Variants in PIK3C2G observed in about 807,000 individuals in gnomAD.
The protein encoded by PIK3C2G is phosphatidylinositol 3-kinase C2 domain-containing subunit gamma.
In PIK3C2G, 168 loss-of-function variants were observed where a neutral mutation model predicts 181.1. The observed-to-expected ratio is 0.93, with a 90% confidence interval of 0.82 to 1.05. The LOEUF (loss-of-function observed/expected upper bound fraction) is 1.05, where lower values mean the gene tolerates loss of function less well. PIK3C2G is among the 50% of genes least tolerant of loss of function. The pLI is 0.00. For synonymous variants in PIK3C2G, 573 were observed against 592.2 expected (o/e 0.97, Z 0.47); for missense variants, 1,869 against 1,732.8 (o/e 1.08, Z -1.40).
intron 4 of PIK3C2G, among the ~76,000 whole-genome samples, chr12:18,293,493 A>G (rs1362508996): frequency 2.6e-5 from 4 of 152,134 alleles, no homozygotes; most frequent in Non-Finnish European, 5.9e-5. Flanking sequence ...AAGGAGCAAT[A>G]TGTCTCACTT....
chr12:18,664,574 T>C, the PIK3C2G span, among the ~76,000 whole-genome samples: 2 of 152,224 alleles, frequency 1.3e-5, 1 homozygote, highest in South Asian at 4.2e-4. Flanking sequence ...TTCAAAATCA[T>C]GGAGACAATG....
the PIK3C2G span, among the ~76,000 whole-genome samples, chr12:18,726,772 G>T: frequency 1.3e-5 from 2 of 152,226 alleles, no homozygotes; most frequent in South Asian, 4.1e-4. Context: ...AGAGTTGGTT[G>T]TATCTAAAAT....
intron 31 of PIK3C2G, among the ~76,000 whole-genome samples, chr12:18,614,220 T>G (rs1190817595): frequency 6.6e-6 from 1 of 152,084 alleles, no homozygotes; most frequent in Non-Finnish European, 1.5e-5. Flanking sequence ...CATTTTGACA[T>G]TGATCTACCA....
Position 18,346,826 on chromosome 12 carries a change from T to C in PIK3C2G, c.1615T>C (p.Trp539Arg). 6.2e-7 allele frequency: 1 copy of C among 1,610,012 alleles called. No homozygotes were observed. Among genetic ancestry groups the C allele is most frequent in the African/African-American group, 1.3e-5 (1 of 74,886 alleles). The change falls in exon 11 of 33, where the codon TGG (tryptophan) becomes CGG (arginine). Residue 539 changes from tryptophan (W) to arginine (R), a missense_variant. Trp to Arg is a moderately radical substitution (Grantham distance 101). Transcript: ENST00000538779. ...VYAAHNIPETWVHSYKAFSFT... is the reference protein window; with the variant it reads ...VYAAHNIPETRVHSYKAFSFT... ...TGCAGCACACAACATTCCAGAAACC[T>C]GGGTGCACAGGTGAGTGGTGGTGAG...
At chr12:18,456,604 T>C (rs953053693) in intron 18 of PIK3C2G, among the ~76,000 whole-genome samples, 21 of 152,250 alleles carry the variant, frequency 1.4e-4, no homozygotes, top group African/African-American at 5.1e-4. Context: ...TGGCCAGCAC[T>C]ATGTTACCTG....
At chr12:18,387,612 T>C (rs1168299101) in intron 14 of PIK3C2G, among the ~76,000 whole-genome samples, 1 of 152,018 alleles carries the variant, frequency 6.6e-6, no homozygotes, top group African/African-American at 2.4e-5. Context: ...TCTAGAAATC[T>C]CTCCCTTACC....
At chr12:18,333,676 A>G (rs1224544629) in intron 8 of PIK3C2G, among the ~76,000 whole-genome samples, 2 of 152,150 alleles carry the variant, frequency 1.3e-5, no homozygotes, top group Non-Finnish European at 2.9e-5. Flanking sequence ...TTAATCTTTA[A>G]GGAAAAAATA....
intron 6 of PIK3C2G, chr12:18,319,993 T>G (rs1951035147): frequency 6.6e-6 from 1 of 152,212 alleles, no homozygotes; most frequent in African/African-American, 2.4e-5. Flanking sequence ...ACCTTATTCT[T>G]TCCACCTAAC....
chr12:18,698,432 C>T, the PIK3C2G span, among the ~76,000 whole-genome samples: 1 of 151,896 alleles, frequency 6.6e-6, no homozygotes, highest in South Asian at 2.1e-4. Context: ...TTAAAAAATC[C>T]AGGATCTCTC....
chr12:18,405,690 A>G (rs1944490708), intron 16 of PIK3C2G, among the ~76,000 whole-genome samples: 1 of 152,154 alleles, frequency 6.6e-6, no homozygotes, highest in Non-Finnish European at 1.5e-5. Flanking sequence ...CTAAAAACAG[A>G]TTAATGAATT....
intron 17 of PIK3C2G, 132 bp from the exon 18 acceptor site, chr12:18,423,813 G>T: frequency 1.6e-6 from 1 of 622,920 alleles, no homozygotes; most frequent in South Asian, 1.9e-5. Flanking sequence ...TAAAATCATC[G>T]AATGTGTTAT....
Position 18,303,928 on chromosome 12 carries a change from G to A in PIK3C2G, c.1034+9913G>A, listed in dbSNP as rs1401956543. 2.6e-5 allele frequency among the ~76,000 whole-genome samples: 4 copies of A among 151,670 alleles called. No individual in the cohort carries two copies. In the East Asian group the frequency reaches 7.8e-4, roughly 29 times the overall value. ...TTGTCAAGGAATGTTAGAATTGAGT[G>A]CTGAAAACATATTCTTAAAAAAAAA... On this transcript the variant is annotated intron_variant, in intron 5 of 32. Transcript: ENST00000538779.
At chr12:18,505,246 T>G (rs1177379283) in intron 23 of PIK3C2G, 46 bp from the exon 24 acceptor site, 8 of 1,488,292 alleles carry the variant, frequency 5.4e-6, no homozygotes, top group Non-Finnish European at 7.3e-6. Flanking sequence ...ATGCATTTGC[T>G]CATTTTTTGT....
At chr12:18,243,410 G>A (rs111480824), upstream of PIK3C2G, among the ~76,000 whole-genome samples, 3,910 of 151,966 alleles carry the variant, frequency 0.026, 86 homozygotes, top group African/African-American at 0.048. Context: ...TGTTAGAGAT[G>A]GCACCATCCC....
chr12:18,529,623 G>A (rs1265945794), intron 24 of PIK3C2G, among the ~76,000 whole-genome samples: 1 of 152,150 alleles, frequency 6.6e-6, no homozygotes, highest in Non-Finnish European at 1.5e-5. Context: ...GAGTACGTAT[G>A]TATTTGTTTA....
At chr12:18,590,510 T>C (rs2136470427) in intron 29 of PIK3C2G, among the ~76,000 whole-genome samples, 1 of 151,996 alleles carries the variant, frequency 6.6e-6, no homozygotes, top group African/African-American at 2.4e-5. Context: ...CTTAGAGTTG[T>C]GCGGTATCCA....
rs140796987 is a variant in PIK3C2G, at chr12:18,391,886, T to TGA, written c.2126+635_2126+636insAG. Among the ~76,000 whole-genome samples the TGA allele has an allele frequency of 6.4e-3, 972 of 151,842 alleles. 10 individuals carry two copies. The highest frequency in any genetic ancestry group is 0.023 in the African/African-American group (935 of 41,384). On this transcript the variant is annotated intron_variant, in intron 15 of 32. Transcript: ENST00000538779. Reference sequence around the variant, plus strand: ...CTCTTTGTGCGTGTATGTGTGTGTGTGTGAGAGAGAGAGAGAGAGATTAAG... The same window carrying TGA: ...CTCTTTGTGCGTGTATGTGTGTGTGTGAGTGAGAGAGAGAGAGAGAGATTAAG...
intron 31 of PIK3C2G, among the ~76,000 whole-genome samples, chr12:18,628,004 T>A (rs1283406016): frequency 1.3e-5 from 2 of 152,204 alleles, no homozygotes; most frequent in African/African-American, 2.4e-5. Context: ...GCATCTGATA[T>A]TTTTAAACCA....
intron 31 of PIK3C2G, among the ~76,000 whole-genome samples, chr12:18,633,072 A>C (rs1565582692): frequency 6.6e-6 from 1 of 152,188 alleles, no homozygotes; most frequent in Non-Finnish European, 1.5e-5. Flanking sequence ...AATTCTGCCA[A>C]ACATGATACA....
Sources: allele counts gnomAD v4.1 joint callset (sites outside exome capture counted in the v4.1 genomes callset), GRCh38; gene constraint gnomAD v4.1.1; transcripts MANE v1.5; gene names NCBI Gene and HGNC (gene_info 2026-07-23, HGNC 2026-07-21).